CPAMD8: variants seen among roughly 807,000 people sequenced by gnomAD.
CPAMD8 encodes C3 and PZP like alpha-2-macroglobulin domain containing 8.
In CPAMD8, 146 loss-of-function variants were observed where a neutral mutation model predicts 224.7. The ratio of observed to expected loss-of-function variants is 0.65; its 90% CI spans 0.57 to 0.75. The LOEUF is 0.75. Among genes scored for constraint, CPAMD8 ranks in the 30% least tolerant of loss-of-function variants. The probability of loss-of-function intolerance (pLI) is 0.00; values close to 1 mark genes in which losing one functional copy is unlikely to be tolerated. For missense variants in CPAMD8, 2,301 were observed against 2,537.5 expected, an observed-to-expected ratio of 0.91 and a Z score of 2.00; for synonymous variants, 966 against 1,044.6, an observed-to-expected ratio of 0.92 and a Z score of 1.45.
intron 13 of CPAMD8, among the ~76,000 whole-genome samples, chr19:16,981,361 C>T (rs2055508944): frequency 6.7e-6 from 1 of 149,712 alleles, no homozygotes; most frequent in South Asian, 2.1e-4. Flanking sequence ...ACCCTGTCTC[C>T]AAAAAAAAAT....
chr19:16,938,537 T>C lies in CPAMD8; in HGVS notation c.2794-91A>G, dbSNP rs1030994780. The C allele has an allele frequency of 8.5e-5, 59 of 695,390 alleles. No homozygotes were observed. In the African/African-American group the frequency reaches 1.1e-3, roughly 12 times the overall value. 43.1% of individuals were successfully genotyped at this position (695,390 alleles called of 1,614,324 possible). A position where few individuals can be genotyped will look rare whatever the true frequency, so the allele number is the denominator to read the frequency against. ...CAGCTGGCTCTCCCACAGCAATGACTTCAAGTCCAGACCACATAATTGTGC... is the reference window on the plus strand; with the variant it reads ...CAGCTGGCTCTCCCACAGCAATGACCTCAAGTCCAGACCACATAATTGTGC... On this transcript the variant is annotated intron_variant, in intron 22 of 41. Transcript: ENST00000443236.
At position 16,914,698 on chromosome 19, in the gene CPAMD8, A is replaced by AG. The variant is rs749539462; in HGVS notation, c.3744dup (p.Ser1249LeufsTer46). 1 of 1,614,082 alleles carries AG rather than the reference A, an allele frequency of 6.2e-7. No homozygotes were observed. Among genetic ancestry groups the AG allele is most frequent in the Non-Finnish European group, 8.5e-7 (1 of 1,179,974 alleles). ...AGGACCCTGCCCACGGCCAGGAAGG[A>AG]GCCATCGGCCTGCTGCTGCTGGATG... is the stretch of plus-strand genomic sequence containing the variant. On this transcript the variant is annotated frameshift_variant, in exon 28 of 42. Transcript: ENST00000443236. LOFTEE classifies it high-confidence loss of function.
chr19:16,919,427 G>A (rs2053085682), intron 27 of CPAMD8, among the ~76,000 whole-genome samples: 1 of 152,146 alleles, frequency 6.6e-6, no homozygotes, highest in African/African-American at 2.4e-5. Flanking sequence ...CCATGTGAGG[G>A]AGCCAATTTG....
intron 41 of CPAMD8, chr19:16,895,930 CGCGCGT>C (rs764487511): frequency 4.7e-4 from 306 of 647,544 alleles, no homozygotes; most frequent in Admixed American, 3.1e-4. Context: ...CACACACACG[CGCGCGT>C]GCGCCCGCGC....
chr19:16,914,528 A>G (rs1434332277), intron 28 of CPAMD8, 30 bp from the exon 29 acceptor site: 11 of 1,612,664 alleles, frequency 6.8e-6, no homozygotes, highest in African/African-American at 2.7e-5. Context: ...CCTCACCCTA[A>G]GCCAAAGGAG....
In CPAMD8 at chr19:16,976,117, G is replaced by T; in HGVS notation, c.1793C>A (p.Pro598His). Residue 598 changes from proline (P) to histidine (H), a missense_variant, in exon 16 of 42, where the codon CCT becomes CAT. Physicochemically the swap from Pro to His is moderately conservative, Grantham distance 77. Transcript: ENST00000443236. ...GATCCGCAGGTCGACAACCTCCCCA[G>T]GTTGGGTCTCATTTGCTGAATACGT... ...SVTYSANETQPGEVVDLRIRA... is the reference protein window; with the variant it reads ...SVTYSANETQHGEVVDLRIRA... The T allele has an allele frequency of 6.2e-7, 1 of 1,612,518 alleles. No individual in the cohort carries two copies. The highest frequency in any genetic ancestry group is 8.5e-7 in the Non-Finnish European group (1 of 1,179,176).
At chr19:16,901,606 C>G (rs1345945865) in intron 35 of CPAMD8, among the ~76,000 whole-genome samples, 1 of 152,192 alleles carries the variant, frequency 6.6e-6, no homozygotes, top group Non-Finnish European at 1.5e-5. Flanking sequence ...CAGCTGGCGA[C>G]CCCACTCTGG....
intron 25 of CPAMD8, 42 bp from the exon 26 acceptor site, chr19:16,925,414 G>T (rs1322946398): frequency 2.7e-6 from 4 of 1,502,982 alleles, no homozygotes; most frequent in Non-Finnish European, 3.7e-6. Flanking sequence ...GGCTGTCCCA[G>T]TTCAGTAGAG....
intron 3 of CPAMD8, 95 bp from the exon 4 acceptor site, chr19:17,011,852 T>C (rs1052551749): frequency 1.1e-4 from 151 of 1,405,736 alleles, no homozygotes; most frequent in Middle Eastern, 3.7e-4. Flanking sequence ...CAGGGGGAAC[T>C]CACCCCAGGA....
intron 5 of CPAMD8, among the ~76,000 whole-genome samples, 162 bp downstream of exon 5, chr19:17,011,302 T>C (rs529010554): frequency 6.6e-6 from 1 of 152,214 alleles, no homozygotes; most frequent in South Asian, 2.1e-4. Flanking sequence ...CCTTCCTCTG[T>C]CACAAAGAAC....
chr19:16,896,711 C>A, intron 39 of CPAMD8, 46 bp from the exon 40 acceptor site: 1 of 1,294,176 alleles, frequency 7.7e-7, no homozygotes, highest in South Asian at 1.9e-5. Flanking sequence ...CTGAACCTTG[C>A]CCGCGCCCCC....
At chr19:16,904,176 A>AGCG in intron 32 of CPAMD8, 50 bp downstream of exon 32, 4 of 937,340 alleles carry the variant, frequency 4.3e-6, no homozygotes, top group South Asian at 1.4e-5. Context: ...GACTGCAGGG[A>AGCG]CCCCACCCAC....
chr19:16,902,863 T>C lies in CPAMD8; in HGVS notation c.4471A>G (p.Ile1491Val). 1 of 1,520,568 alleles carries C rather than the reference T, an allele frequency of 6.6e-7. No homozygotes were observed. The highest frequency in any genetic ancestry group is 8.8e-7 in the Non-Finnish European group (1 of 1,130,786). 94.2% of individuals were successfully genotyped at this position (1,520,568 alleles called of 1,614,324 possible). ...AKGDGCCLMQ[I>V]DVTYNVPDPV... is the part of the protein sequence containing the mutation. Reference sequence around the variant, plus strand: ...TCAGGCACATTGTAGGTGACATCAATCTGGGGGGTGTTGGAGGATGGAGGC... The same window carrying C: ...TCAGGCACATTGTAGGTGACATCAACCTGGGGGGTGTTGGAGGATGGAGGC... The change falls in exon 35 of 42, where the codon ATT becomes GTT. Residue 1491 changes from isoleucine to valine, a missense_variant and splice_region_variant. This residue lies in a region of CPAMD8 where 1,709 missense variants were observed against 1,753.2 expected (regional missense o/e 0.97). Transcript: ENST00000443236.
Position 17,026,727 on chromosome 19 carries a change from C to T in CPAMD8, c.-85G>A. 1.6e-6 allele frequency: 2 copies of T among 1,218,698 alleles called. No homozygotes were observed. Among genetic ancestry groups the T allele is most frequent in the South Asian group, 3.9e-5 (1 of 25,674 alleles). The allele number at this position is 1,218,698 out of a possible 1,614,324, so 75.5% of individuals were successfully genotyped here. A position where few individuals can be genotyped will look rare whatever the true frequency, so the allele number is the denominator to read the frequency against. ...GCCAGGGTCCGAGCGCGGCCGTCCT[C>T]GCGCCGCCGCCGGGGGCCCTTTGTT... On this transcript the variant is annotated 5_prime_UTR_variant, in exon 1 of 42. Coordinates refer to ENST00000443236, the MANE Select transcript of CPAMD8 (RefSeq NM_015692.5).
At chr19:16,975,326 G>A (rs1356739082) in intron 16 of CPAMD8, 68 bp from the exon 17 acceptor site, 2 of 1,308,470 alleles carry the variant, frequency 1.5e-6, no homozygotes, top group African/African-American at 2.9e-5. Context: ...GGCTCCCGTG[G>A]GTGTGGCATG....
intron 27 of CPAMD8, among the ~76,000 whole-genome samples, chr19:16,919,696 G>A (rs3848659): frequency 0.36 from 55,281 of 152,148 alleles, 11,667 homozygotes; most frequent in East Asian, 0.57. Flanking sequence ...ACTGGGCAGC[G>A]AGGACCTGGA....
intron 1 of CPAMD8, 105 bp downstream of exon 1, chr19:17,026,446 G>C (rs2057083503): frequency 8.2e-7 from 1 of 1,219,474 alleles, no homozygotes; most frequent in Non-Finnish European, 1.1e-6. Context: ...AGCCCAGCGC[G>C]GAGGCTGTGT....
intron 14 of CPAMD8, among the ~76,000 whole-genome samples, chr19:16,979,655 C>T (rs958934855): frequency 6.6e-6 from 1 of 152,220 alleles, no homozygotes; most frequent in African/African-American, 2.4e-5. Flanking sequence ...TCCATCCATC[C>T]ATTGATCCAT....
At chr19:16,990,316 G>A in intron 12 of CPAMD8, among the ~76,000 whole-genome samples, 1 of 151,812 alleles carries the variant, frequency 6.6e-6, no homozygotes, top group East Asian at 1.9e-4. Flanking sequence ...CAGAGTGGGT[G>A]CATACCTATA....
Sources: allele counts gnomAD v4.1 joint callset (sites outside exome capture counted in the v4.1 genomes callset), GRCh38; gene constraint gnomAD v4.1.1; regional missense constraint gnomAD v4.1.1; transcripts MANE v1.5; gene names NCBI Gene and HGNC (gene_info 2026-07-23, HGNC 2026-07-21).